The following SH2B2 variants were observed in gnomAD, a reference collection of about 807,000 sequenced individuals.
SH2B2 encodes SH2B adaptor protein 2.
Under a neutral mutation model 35.7 loss-of-function variants are expected in SH2B2, and 37 were observed. That is an observed-to-expected ratio of 1.04 (90% CI 0.80 to 1.36). The LOEUF is 1.36. Ranked by LOEUF, SH2B2 falls within the 40% of genes most tolerant of loss-of-function variation. The pLI is 0.00. For synonymous variants in SH2B2, 383 were observed against 376.4 expected (o/e 1.02, Z -0.20); for missense variants, 852 against 817.7 (o/e 1.04, Z -0.51).
At chr7:102,310,185 G>A (rs937145183) in intron 4 of SH2B2, among the ~76,000 whole-genome samples, 3 of 151,050 alleles carry the variant, frequency 2.0e-5, no homozygotes, top group African/African-American at 7.3e-5. Flanking sequence ...GCATCGTGGC[G>A]GGCATCTGTA....
intron 2 of SH2B2, among the ~76,000 whole-genome samples, chr7:102,302,687 A>G (rs782162263): frequency 6.6e-6 from 1 of 152,240 alleles, no homozygotes; most frequent in Non-Finnish European, 1.5e-5. Context: ...AGATTACAGA[A>G]GAGAGCGCAG....
intron 4 of SH2B2, among the ~76,000 whole-genome samples, chr7:102,313,910 CAAA>C (rs1175762478): frequency 7.7e-6 from 1 of 129,238 alleles, no homozygotes. Context: ...GACTCCGTCT[CAAA>C]AAAAAAAAAA....
rs545889474 is a variant in SH2B2 at position 102,295,709 on chromosome 7, G to A, written c.-29-4813G>A. 2.5e-4 allele frequency among the ~76,000 whole-genome samples: 38 copies of A among 152,328 alleles called. 1 individual carries two copies. The South Asian group carries it at 7.5e-3, about 30-fold the overall frequency. Reference sequence around the variant, plus strand: ...GACACTTGTGCTGGCCTGGATCAGGGAGAAAGGAGGGGTGTCGGGAGGCTT... The same window carrying A: ...GACACTTGTGCTGGCCTGGATCAGGAAGAAAGGAGGGGTGTCGGGAGGCTT... On this transcript the variant is annotated intron_variant, in intron 1 of 8. Coordinates refer to ENST00000444095, the MANE Select transcript of SH2B2 (RefSeq NM_001359228.2).
In SH2B2 at chr7:102,300,796, G is replaced by A. The variant is rs782818748; in HGVS notation, c.246G>A (p.Val82=). The part of the protein sequence containing the change: ...VFGEEVRRVL[V]AGPTTRGAAV... ...GCGAGGAGGTGCGCCGCGTGCTGGT[G>A]GCTGGGCCGACGACTCGGGGCGCGG... The change falls in exon 2 of 9, where the codon GTG becomes GTA. Residue 82 remains valine, a synonymous_variant. Transcript: ENST00000444095. 1.1e-5 allele frequency: 17 copies of A among 1,503,558 alleles called. No individual in the cohort carries two copies. Among genetic ancestry groups the A allele is most frequent in the Non-Finnish European group, 2.7e-6 (3 of 1,121,292 alleles). 93.1% of individuals were successfully genotyped at this position (1,503,558 alleles called of 1,614,324 possible). A position where few individuals can be genotyped will look rare whatever the true frequency, so the allele number is the denominator to read the frequency against.
chr7:102,299,779 G>A (rs895176963), intron 1 of SH2B2, among the ~76,000 whole-genome samples: 5 of 152,136 alleles, frequency 3.3e-5, no homozygotes, highest in South Asian at 2.1e-4. Flanking sequence ...AGAGGCTCAT[G>A]GGGACCCCAC....
At chr7:102,301,323 A>T in intron 2 of SH2B2, 44 bp downstream of exon 2, 7 of 1,560,770 alleles carry the variant, frequency 4.5e-6, no homozygotes, top group Non-Finnish European at 6.1e-6. Context: ...GGACCAGAGG[A>T]GGCACCTGGG....
In SH2B2 at chr7:102,300,715, C is replaced by G; in HGVS notation, c.165C>G (p.Pro55=). 1.3e-6 allele frequency: 2 copies of G among 1,533,366 alleles called. No individual in the cohort carries two copies. Among genetic ancestry groups the G allele is most frequent in the South Asian group, 2.4e-5 (2 of 82,304 alleles). 95.0% of individuals were successfully genotyped at this position (1,533,366 alleles called of 1,614,324 possible). A position where few individuals can be genotyped will look rare whatever the true frequency, so the allele number is the denominator to read the frequency against. ...FLRDNPAYDT[P]DAGASFSRHF... The stretch of plus-strand genomic sequence containing the variant: ...GGGACAACCCAGCTTACGACACGCC[C>G]GACGCCGGCGCCTCCTTCTCCCGCC... Residue 55 remains proline (P), a synonymous_variant, in exon 2 of 9, where the codon CCC becomes CCG. Transcript: ENST00000444095.
chr7:102,292,530 CAAAA>C (rs34275327), intron 1 of SH2B2, among the ~76,000 whole-genome samples: 1 of 113,064 alleles, frequency 8.8e-6, no homozygotes. Flanking sequence ...GACTCCGTCT[CAAAA>C]AAAAAAAAAA....
chr7:102,317,299 A>C lies in SH2B2; in HGVS notation c.1299A>C (p.Ala433=). 6.2e-7 allele frequency: 1 copy of C among 1,613,598 alleles called. No homozygotes were observed. Among genetic ancestry groups the C allele is most frequent in the South Asian group, 1.1e-5 (1 of 91,080 alleles). ...SRVKAAQLVL[A]GGPRNHGLFV... The stretch of plus-strand genomic sequence containing the variant: ...TCAAGGCTGCTCAACTGGTTCTGGC[A>C]GGGGGGCCCCGGAACCACGGCCTCT... Residue 433 remains alanine (A), a synonymous_variant, in exon 7 of 9, where the codon GCA becomes GCC. Transcript: ENST00000444095.
At chr7:102,311,554 C>CTT (rs1171961750) in intron 4 of SH2B2, among the ~76,000 whole-genome samples, 8 of 104,632 alleles carry the variant, frequency 7.6e-5, no homozygotes, top group South Asian at 3.5e-4. Context: ...TGCAACTGGC[C>CTT]TTTTTTTTTT....
At chr7:102,317,480 C>G in intron 7 of SH2B2, 85 bp downstream of exon 7, 1 of 1,283,482 alleles carries the variant, frequency 7.8e-7, no homozygotes. Flanking sequence ...GAGGCTGTGC[C>G]CTGGAAGCAG....
chr7:102,285,546 C>T (rs1443512072), upstream of SH2B2, among the ~76,000 whole-genome samples: 1 of 152,228 alleles, frequency 6.6e-6, no homozygotes, highest in Non-Finnish European at 1.5e-5. Context: ...TCTTCCGTGC[C>T]CCCGTGGAGG....
intron 2 of SH2B2, among the ~76,000 whole-genome samples, chr7:102,305,903 T>C (rs1283024001): frequency 6.9e-6 from 1 of 145,972 alleles, no homozygotes; most frequent in South Asian, 2.2e-4. Flanking sequence ...CTTTTTTTTT[T>C]TTTTTTTTTG....
chr7:102,312,056 A>T (rs1377573161), intron 4 of SH2B2, among the ~76,000 whole-genome samples: 1 of 143,620 alleles, frequency 7.0e-6, no homozygotes, highest in Admixed American at 7.1e-5. Flanking sequence ...CCACTGGGTG[A>T]CAGAGTGAGA....
chr7:102,294,963 C>G (rs1554552328), intron 1 of SH2B2, among the ~76,000 whole-genome samples: 1 of 152,180 alleles, frequency 6.6e-6, no homozygotes, highest in African/African-American at 2.4e-5. Flanking sequence ...CAGTGCCTCC[C>G]AGGCCAGTCC....
At chr7:102,303,528 T>C (rs1289814867) in intron 2 of SH2B2, among the ~76,000 whole-genome samples, 1 of 152,180 alleles carries the variant, frequency 6.6e-6, no homozygotes, top group African/African-American at 2.4e-5. Context: ...ACATGGGCCC[T>C]GGAAAAGTGA....
chr7:102,285,307 C>G, upstream of SH2B2: 1 of 1,330,010 alleles, frequency 7.5e-7, no homozygotes, highest in Non-Finnish European at 1.1e-6. Flanking sequence ...AGGGTGGAGA[C>G]CACAACCAGG....
chr7:102,309,092 A>G (rs76100825), intron 4 of SH2B2, 186 bp downstream of exon 4: 41,463 of 686,466 alleles, frequency 0.06, 1,523 homozygotes, highest in South Asian at 0.1. Context: ...AATCGCCAGC[A>G]GACTCTGTGA....
At chr7:102,307,350 C>T (rs1041046330) in intron 3 of SH2B2, among the ~76,000 whole-genome samples, 3 of 152,162 alleles carry the variant, frequency 2.0e-5, no homozygotes, top group East Asian at 3.9e-4. Flanking sequence ...GGACACGGCT[C>T]CAGGCTGCCA....
Sources: gnomAD v4.1 joint callset for allele counts (sites outside exome capture counted in the v4.1 genomes callset) on GRCh38, gnomAD v4.1.1 for gene constraint, MANE v1.5 for transcripts, NCBI Gene and HGNC (gene_info 2026-07-23, HGNC 2026-07-21) for gene names.